RNF150: variants seen among roughly 807,000 people sequenced by gnomAD.
The protein encoded by RNF150 is ring finger protein 150.
In RNF150, 24 loss-of-function variants were observed where a neutral mutation model predicts 39.3. That is an observed-to-expected ratio of 0.61 (90% CI 0.44 to 0.86). The LOEUF is 0.86. RNF150 is among the 40% of genes least tolerant of loss of function. RNF150 has a pLI of 0.00. For synonymous variants in RNF150, 255 were observed against 227.3 expected, an observed-to-expected ratio of 1.12 and a Z score of -1.10; for missense variants, 502 against 587.8, an observed-to-expected ratio of 0.85 and a Z score of 1.51.
chr4:140,927,305 A>C (rs1731435557), intron 4 of RNF150, among the ~76,000 whole-genome samples: 1 of 152,210 alleles, frequency 6.6e-6, no homozygotes, highest in African/African-American at 2.4e-5. Flanking sequence ...CAGATTTACT[A>C]TGATATGGTT....
chr4:141,095,398 T>G (rs1008112604), intron 1 of RNF150, among the ~76,000 whole-genome samples: 10 of 152,118 alleles, frequency 6.6e-5, no homozygotes, highest in African/African-American at 2.4e-4. Flanking sequence ...GCTTCTCTCA[T>G]AAGGAGCAAA....
At position 141,133,066 on chromosome 4, in the gene RNF150, AG is replaced by A. The variant is rs1726950375; in HGVS notation, c.-259del. The A allele has an allele frequency of 2.5e-6, 1 of 397,480 alleles. No homozygotes were observed. Among genetic ancestry groups the A allele is most frequent in the Non-Finnish European group, 4.5e-6 (1 of 220,670 alleles). The allele number at this position is 397,480 out of a possible 1,614,324, so 24.6% of individuals were successfully genotyped here. A position where few individuals can be genotyped will look rare whatever the true frequency, so the allele number is the denominator to read the frequency against. On this transcript the variant is annotated 5_prime_UTR_variant, in exon 1 of 7. It introduces an in-frame stop codon into an upstream open reading frame of the 5' UTR. Coordinates refer to ENST00000515673, the MANE Select transcript of RNF150 (RefSeq NM_020724.2). The stretch of plus-strand genomic sequence containing the variant: ...GGGCGCCCGGGGGGCGCGGGAACAG[AG>A]GGCCCGCGGGGCTTGCGGAGGAGTC...
At chr4:141,037,798 G>A (rs994839063) in intron 1 of RNF150, among the ~76,000 whole-genome samples, 3 of 152,058 alleles carry the variant, frequency 2.0e-5, no homozygotes, top group Non-Finnish European at 4.4e-5. Flanking sequence ...GATAATCAAT[G>A]GAAGATTAAC....
chr4:141,178,611 G>C (rs900710306), intron 1 of RNF150, among the ~76,000 whole-genome samples: 1 of 152,012 alleles, frequency 6.6e-6, no homozygotes, highest in Non-Finnish European at 1.5e-5. Context: ...ACTGTCTTTA[G>C]CTTAAAGAAG....
At chr4:141,036,940 G>T (rs6815084) in intron 1 of RNF150, among the ~76,000 whole-genome samples, 89,553 of 151,976 alleles carry the variant, frequency 0.59, 27,086 homozygotes, top group Non-Finnish European at 0.66. Context: ...ATGGACTGTT[G>T]ATGTGAATAT....
intron 1 of RNF150, among the ~76,000 whole-genome samples, chr4:141,048,116 A>C (rs1260984731): frequency 1.3e-5 from 2 of 152,220 alleles, no homozygotes; most frequent in African/African-American, 4.8e-5. Context: ...ACCGAAATTC[A>C]AGGGCACTTT....
At chr4:140,898,664 TTATG>T (rs1730051092) in intron 6 of RNF150, among the ~76,000 whole-genome samples, 1 of 152,236 alleles carries the variant, frequency 6.6e-6, no homozygotes, top group Non-Finnish European at 1.5e-5. Flanking sequence ...ATGCAAGTAT[TTATG>T]TATCCAACTA....
At chr4:141,059,646 T>G (rs996293365) in intron 1 of RNF150, among the ~76,000 whole-genome samples, 4 of 152,128 alleles carry the variant, frequency 2.6e-5, no homozygotes, top group Non-Finnish European at 5.9e-5. Context: ...ATAAAAAAAT[T>G]TAGCTTTAGC....
At chr4:141,171,256 A>G (rs901873618) in intron 1 of RNF150, among the ~76,000 whole-genome samples, 2 of 152,182 alleles carry the variant, frequency 1.3e-5, no homozygotes, top group African/African-American at 4.8e-5. Context: ...TCAGGACTGG[A>G]CCCTAGATCT....
chr4:141,087,650 C>T (rs1271846243), intron 1 of RNF150, among the ~76,000 whole-genome samples: 8 of 152,174 alleles, frequency 5.3e-5, no homozygotes, highest in South Asian at 2.1e-4. Flanking sequence ...ATCATTCAAG[C>T]GTTTATGTTT....
At chr4:140,874,600 C>A (rs1301572621) in intron 6 of RNF150, among the ~76,000 whole-genome samples, 1 of 152,206 alleles carries the variant, frequency 6.6e-6, no homozygotes, top group African/African-American at 2.4e-5. Flanking sequence ...CTCTCTCGCC[C>A]AGGCTGGAGC....
intron 1 of RNF150, among the ~76,000 whole-genome samples, chr4:141,188,963 G>A (rs1291405716): frequency 1.3e-5 from 2 of 152,190 alleles, no homozygotes; most frequent in East Asian, 3.9e-4. Flanking sequence ...GAGGCATTCT[G>A]ATTTTTGGAA....
At chr4:140,868,412 C>A in intron 6 of RNF150, 33 bp from the exon 7 acceptor site, 1 of 1,149,054 alleles carries the variant, frequency 8.7e-7, no homozygotes. Context: ...ACAGTGAACA[C>A]CGAGCTATGT....
intron 1 of RNF150, among the ~76,000 whole-genome samples, chr4:141,015,374 TTCCAA>T (rs1735230614): frequency 6.6e-6 from 1 of 152,234 alleles, no homozygotes; most frequent in Non-Finnish European, 1.5e-5. Flanking sequence ...ACATTTATTC[TTCCAA>T]TCTATAAACA....
chr4:141,147,096 A>C (rs895844856), intron 1 of RNF150, among the ~76,000 whole-genome samples: 1 of 152,154 alleles, frequency 6.6e-6, no homozygotes, highest in Non-Finnish European at 1.5e-5. Flanking sequence ...CTGGGCCTAC[A>C]GGTGTATGTC....
At chr4:140,915,839 G>A (rs1730801530) in intron 5 of RNF150, among the ~76,000 whole-genome samples, 1 of 152,190 alleles carries the variant, frequency 6.6e-6, no homozygotes, top group Non-Finnish European at 1.5e-5. Flanking sequence ...GTACTCGTCT[G>A]AGACAAAACT....
chr4:141,135,912 G>A (rs1727020568), upstream of RNF150, among the ~76,000 whole-genome samples: 1 of 152,166 alleles, frequency 6.6e-6, no homozygotes, highest in African/African-American at 2.4e-5. Flanking sequence ...CTTATGAAAT[G>A]CACTGGAATT....
At chr4:140,970,739 T>C (rs1733432295) in intron 1 of RNF150, among the ~76,000 whole-genome samples, 1 of 152,154 alleles carries the variant, frequency 6.6e-6, no homozygotes, top group South Asian at 2.1e-4. Context: ...ACCACTTGTG[T>C]TGTCTGTGCC....
intron 1 of RNF150, among the ~76,000 whole-genome samples, chr4:141,036,670 G>A (rs918690779): frequency 6.6e-6 from 1 of 152,122 alleles, no homozygotes; most frequent in African/African-American, 2.4e-5. Flanking sequence ...ACCATTAGGT[G>A]TTTAGTAGAT....
Sources: allele counts gnomAD v4.1 joint callset (sites outside exome capture counted in the v4.1 genomes callset), GRCh38; gene constraint gnomAD v4.1.1; transcripts MANE v1.5; gene names NCBI Gene and HGNC (gene_info 2026-07-23, HGNC 2026-07-21).